Variants in WFIKKN2 observed in about 807,000 individuals in gnomAD.
WFIKKN2 encodes WAP, follistatin/kazal, immunoglobulin, kunitz and netrin domain containing 2, also known as WAP, Kazal, immunoglobulin, Kunitz and NTR domain-containing protein 2.
WFIKKN2 carries 25 observed loss-of-function variants against 39.2 expected under a neutral mutation model. That is an observed-to-expected ratio of 0.64 (90% CI 0.47 to 0.89). The LOEUF (loss-of-function observed/expected upper bound fraction) is 0.89, where lower values mean the gene tolerates loss of function less well. Among genes scored for constraint, WFIKKN2 ranks in the 40% least tolerant of loss-of-function variants. WFIKKN2 has a pLI of 0.00. For synonymous variants in WFIKKN2, 345 were observed against 329.7 expected (o/e 1.05, Z -0.50); for missense variants, 770 against 811.7 (o/e 0.95, Z 0.62).
At chr17:50,837,913 C>A (rs891556262) in intron 1 of WFIKKN2, among the ~76,000 whole-genome samples, 1 of 152,160 alleles carries the variant, frequency 6.6e-6, no homozygotes, top group African/African-American at 2.4e-5. Flanking sequence ...TTTTGTGTGT[C>A]TTGGAGAGAA....
Position 50,839,784 on chromosome 17 carries a change from A to G in WFIKKN2, c.496A>G (p.Lys166Glu). The change falls in exon 2 of 2, where the codon AAA (lysine) becomes GAA (glutamate). Residue 166 changes from lysine to glutamate, a missense_variant. Lys to Glu is a moderately conservative substitution (Grantham distance 56, BLOSUM62 1). Transcript: ENST00000311378. The stretch of plus-strand genomic sequence containing the variant: ...CTACATGGATGCCGAGGCCTGCTCC[A>G]AAGGCATCACACTGGCCGTTGTAAC... The part of the protein sequence containing the change: ...RCYMDAEACS[K>E]GITLAVVTCR... 1.2e-6 allele frequency: 2 copies of G among 1,614,212 alleles called. No homozygotes were observed. Among genetic ancestry groups the G allele is most frequent in the Non-Finnish European group, 1.7e-6 (2 of 1,180,020 alleles).
At chr17:50,837,243 T>A (rs1010539846) in intron 1 of WFIKKN2, among the ~76,000 whole-genome samples, 4 of 152,154 alleles carry the variant, frequency 2.6e-5, no homozygotes, top group Non-Finnish European at 5.9e-5. Context: ...TGCATTGGAC[T>A]CCAGGCCACC....
chr17:50,835,477 CA>C, upstream of WFIKKN2: 1 of 162,420 alleles, frequency 6.2e-6, no homozygotes, highest in Non-Finnish European at 1.3e-5. Flanking sequence ...CTCCTGGAGT[CA>C]AAAACAAGCA....
chr17:50,838,072 C>G (rs1179308503), intron 1 of WFIKKN2, among the ~76,000 whole-genome samples: 2 of 152,114 alleles, frequency 1.3e-5, no homozygotes, highest in African/African-American at 4.8e-5. Context: ...CATGGACCTC[C>G]AGGTCCTGAA....
chr17:50,840,697 C>A lies in WFIKKN2; in HGVS notation c.1409C>A (p.Ser470Tyr), dbSNP rs1972032990. Residue 470 changes from serine (S) to tyrosine (Y), a missense_variant, in exon 2 of 2, where the codon TCT (serine) becomes TAT (tyrosine). Ser to Tyr is a moderately radical substitution (Grantham distance 144, BLOSUM62 -2). Transcript: ENST00000311378. ...GACTTTGTCATCCTGGGCCGAGTCTCTGAGCTGACCGAGGAGCCTGACTCG... is the reference window on the plus strand; with the variant it reads ...GACTTTGTCATCCTGGGCCGAGTCTATGAGCTGACCGAGGAGCCTGACTCG... The part of the protein sequence containing the change: ...RSDFVILGRV[S>Y]ELTEEPDSGR... 1 of 1,613,876 alleles carries A rather than the reference C, an allele frequency of 6.2e-7. No homozygotes were observed. Among genetic ancestry groups the A allele is most frequent in the Non-Finnish European group, 8.5e-7 (1 of 1,180,026 alleles).
rs1972023188 is a variant in WFIKKN2, at chr17:50,840,265, C to A, written c.977C>A (p.Ala326Asp). The A allele has an allele frequency of 6.2e-7, 1 of 1,613,960 alleles. No individual in the cohort carries two copies. Among genetic ancestry groups the A allele is most frequent in the Admixed American group, 1.7e-5 (1 of 60,032 alleles). Residue 326 changes from alanine (A) to aspartate (D), a missense_variant, in exon 2 of 2, where the codon GCC becomes GAC. Ala to Asp is a moderately radical substitution (Grantham distance 126, BLOSUM62 -2). Coordinates refer to ENST00000311378, the MANE Select transcript of WFIKKN2 (RefSeq NM_175575.6). ...SSPNGTAFPAAECLKPPDSED... is the reference protein window; with the variant it reads ...SSPNGTAFPADECLKPPDSED... Reference sequence around the variant, plus strand: ...CCCAATGGCACGGCTTTCCCGGCGGCCGAGTGCCTGAAGCCCCCAGACAGT... The same window carrying A: ...CCCAATGGCACGGCTTTCCCGGCGGACGAGTGCCTGAAGCCCCCAGACAGT...
At position 50,842,350 on chromosome 17, in the gene WFIKKN2, T is replaced by C. The variant is rs1018978226; in HGVS notation, c.*1331T>C. 11 of 151,774 alleles carry C rather than the reference T, an allele frequency of 7.2e-5. No individual in the cohort carries two copies. The highest frequency in any genetic ancestry group is 2.2e-4 in the African/African-American group (9 of 41,276). 9.4% of individuals were successfully genotyped at this position (151,774 alleles called of 1,614,324 possible). A position where few individuals can be genotyped will look rare whatever the true frequency, so the allele number is the denominator to read the frequency against. ...CCAATTAAAAGCTCATAGTATCAAC[T>C]GCCCTTCTTGTGTGATTCGTTTGGG... On this transcript the variant is annotated 3_prime_UTR_variant, in exon 2 of 2. Coordinates refer to ENST00000311378, the MANE Select transcript of WFIKKN2 (RefSeq NM_175575.6).
intron 1 of WFIKKN2, among the ~76,000 whole-genome samples, chr17:50,837,725 C>A (rs1040639454): frequency 2.0e-4 from 30 of 152,216 alleles, no homozygotes; most frequent in African/African-American, 7.0e-4. Context: ...TCTTAGGCCT[C>A]CCAGGACAGA....
chr17:50,840,857 C>T lies in WFIKKN2; in HGVS notation c.1569C>T (p.Ser523=), dbSNP rs140146245. 86 of 1,610,558 alleles carry T rather than the reference C, an allele frequency of 5.3e-5. No homozygotes were observed. The highest frequency in any genetic ancestry group is 7.1e-5 in the Non-Finnish European group (84 of 1,177,296). The change falls in exon 2 of 2, where the codon AGC becomes AGT. Residue 523 remains serine (S), a synonymous_variant. Coordinates refer to ENST00000311378, the MANE Select transcript of WFIKKN2 (RefSeq NM_175575.6). ...GCCCCTGCCCCAACGTGACCGTGAG[C>T]GAGATGCCGCTCATCATCATGGGGG... ...WACPCPNVTV[S]EMPLIIMGEV...
rs139168532 is a variant in WFIKKN2, at chr17:50,840,266, C to T, written c.978C>T (p.Ala326=). 2.1e-4 allele frequency: 336 copies of T among 1,613,964 alleles called. 2 individuals are homozygous for T. The African/African-American group carries it at 3.3e-3, about 16-fold the overall frequency. Reference sequence around the variant, plus strand: ...CCAATGGCACGGCTTTCCCGGCGGCCGAGTGCCTGAAGCCCCCAGACAGTG... The same window carrying T: ...CCAATGGCACGGCTTTCCCGGCGGCTGAGTGCCTGAAGCCCCCAGACAGTG... ...SSPNGTAFPA[A]ECLKPPDSED... is the part of the protein sequence containing the mutation. The change falls in exon 2 of 2, where the codon GCC becomes GCT. Residue 326 remains alanine (A), a synonymous_variant. Transcript: ENST00000311378.
rs1353838242 is a variant in WFIKKN2 at position 50,841,159 on chromosome 17, A to T, written c.*140A>T. The T allele has an allele frequency of 9.4e-6, 8 of 849,258 alleles. No individual in the cohort carries two copies. Among genetic ancestry groups the T allele is most frequent in the Admixed American group, 3.1e-5 (1 of 31,926 alleles). The allele number at this position is 849,258 out of a possible 1,614,324, so 52.6% of individuals were successfully genotyped here. On this transcript the variant is annotated 3_prime_UTR_variant, in exon 2 of 2. Coordinates refer to ENST00000311378, the MANE Select transcript of WFIKKN2 (RefSeq NM_175575.6). The stretch of plus-strand genomic sequence containing the variant: ...CAACCGACGTGTCACAGAAAAAGCC[A>T]CAGAAGGTCTCAGATCAGCATCTAT...
Position 50,836,021 on chromosome 17 carries a change from G to A in WFIKKN2, c.84G>A (p.Val28=). ...ALLLLLLLLG[V]PPRSLALPPI... is the part of the protein sequence containing the mutation. ...TGCTGCTGCTGCTACTGCTCGGGGT[G>A]CCCCCGCGAAGCCTGGCGCTGCCGC... Residue 28 remains valine, a synonymous_variant, in exon 1 of 2, where the codon GTG becomes GTA. Transcript: ENST00000311378. 1.2e-6 allele frequency: 2 copies of A among 1,601,574 alleles called. No homozygotes were observed. The highest frequency in any genetic ancestry group is 2.3e-5 in the East Asian group (1 of 44,284).
rs1022396814 is a variant in WFIKKN2, at chr17:50,841,848, G to T, written c.*829G>T. 1.3e-5 allele frequency: 2 copies of T among 152,172 alleles called. No homozygotes were observed. The highest frequency in any genetic ancestry group is 4.8e-5 in the African/African-American group (2 of 41,378). The allele number at this position is 152,172 out of a possible 1,614,324, so 9.4% of individuals were successfully genotyped here. A position where few individuals can be genotyped will look rare whatever the true frequency, so the allele number is the denominator to read the frequency against. On this transcript the variant is annotated 3_prime_UTR_variant, in exon 2 of 2. Coordinates refer to ENST00000311378, the MANE Select transcript of WFIKKN2 (RefSeq NM_175575.6). ...CCTCCGCTGGACTCACAACTGTCTG[G>T]AGTTTCTGTCTGATGGATGGTGTGC...
chr17:50,836,887 GC>G (rs1347460577), intron 1 of WFIKKN2, among the ~76,000 whole-genome samples: 1 of 152,214 alleles, frequency 6.6e-6, no homozygotes, highest in African/African-American at 2.4e-5. Flanking sequence ...GGAGTGCCCT[GC>G]AGGTCCTAGG....
Position 50,839,782 on chromosome 17 carries a change from C to A in WFIKKN2, c.494C>A (p.Ser165Tyr). 1 of 1,614,236 alleles carries A rather than the reference C, an allele frequency of 6.2e-7. No individual in the cohort carries two copies. The highest frequency in any genetic ancestry group is 8.5e-7 in the Non-Finnish European group (1 of 1,180,032). ...NRCYMDAEAC[S>Y]KGITLAVVTC... is the part of the protein sequence containing the mutation. ...TGCTACATGGATGCCGAGGCCTGCT[C>A]CAAAGGCATCACACTGGCCGTTGTA... Residue 165 changes from serine (S) to tyrosine (Y), a missense_variant, in exon 2 of 2, where the codon TCC becomes TAC. Coordinates refer to ENST00000311378, the MANE Select transcript of WFIKKN2 (RefSeq NM_175575.6).
Position 50,840,846 on chromosome 17 carries a change from G to A in WFIKKN2, c.1558G>A (p.Val520Met), listed in dbSNP as rs757864632. ...GGACTGGGCATGCCCCTGCCCCAAC[G>A]TGACCGTGAGCGAGATGCCGCTCAT... ...HVDWACPCPN[V>M]TVSEMPLIIM... The change falls in exon 2 of 2, where the codon GTG becomes ATG. Residue 520 changes from valine (V) to methionine (M), a missense_variant. Val to Met is a conservative substitution (Grantham distance 21). Transcript: ENST00000311378. The A allele has an allele frequency of 9.9e-6, 16 of 1,611,764 alleles. No individual in the cohort carries two copies. The highest frequency in any genetic ancestry group is 6.7e-5 in the African/African-American group (5 of 74,854).
chr17:50,838,136 A>G (rs1250870235), intron 1 of WFIKKN2, among the ~76,000 whole-genome samples: 3 of 151,654 alleles, frequency 2.0e-5, no homozygotes, highest in Non-Finnish European at 2.9e-5. Flanking sequence ...TCCTGCTCCT[A>G]CTCCCTCTCC....
rs776046081 is a variant in WFIKKN2 at position 50,840,441 on chromosome 17, G to A, written c.1153G>A (p.Ala385Thr). The A allele has an allele frequency of 3.8e-5, 62 of 1,613,716 alleles. No individual in the cohort carries two copies. Among genetic ancestry groups the A allele is most frequent in the East Asian group, 8.9e-5 (4 of 44,890 alleles). ...GGCCTGCATGAGCGGGCCGCTGGCC[G>A]CGTGCAGCCTGCCCGCCCTGCAGGG... ...MLACMSGPLA[A>T]CSLPALQGPC... The change falls in exon 2 of 2, where the codon GCG (alanine) becomes ACG (threonine). Residue 385 changes from alanine (A) to threonine (T), a missense_variant. By Grantham distance (58) the Ala-to-Thr change is moderately conservative (BLOSUM62 0). Transcript: ENST00000311378.
chr17:50,840,290 T>C lies in WFIKKN2; in HGVS notation c.1002T>C (p.Ser334=), dbSNP rs971180022. The C allele has an allele frequency of 1.9e-6, 3 of 1,613,966 alleles. 1 individual carries two copies. The East Asian group carries it at 6.7e-5, about 36-fold the overall frequency. Residue 334 remains serine, a synonymous_variant, in exon 2 of 2, where the codon AGT becomes AGC. Coordinates refer to ENST00000311378, the MANE Select transcript of WFIKKN2 (RefSeq NM_175575.6). ...CCGAGTGCCTGAAGCCCCCAGACAG[T>C]GAGGACTGTGGCGAAGAGCAGACCC... ...PAAECLKPPD[S]EDCGEEQTRW... is the part of the protein sequence containing the mutation.
Sources: gnomAD v4.1 joint callset for allele counts (sites outside exome capture counted in the v4.1 genomes callset) on GRCh38, gnomAD v4.1.1 for gene constraint, MANE v1.5 for transcripts, NCBI Gene and HGNC (gene_info 2026-07-23, HGNC 2026-07-21) for gene names.